SUGCT: variants seen among roughly 807,000 people sequenced by gnomAD.
The protein encoded by SUGCT is succinyl-CoA:glutarate-CoA transferase, also known as succinyl-CoA:glutarate CoA-transferase.
SUGCT carries 41 observed loss-of-function variants against 55.0 expected under a neutral mutation model. The observed-to-expected ratio is 0.74, with a 90% confidence interval of 0.58 to 0.97. The LOEUF (loss-of-function observed/expected upper bound fraction) is 0.97, where lower values mean the gene tolerates loss of function less well. SUGCT is among the 50% of genes least tolerant of loss of function. The pLI, the probability that SUGCT is intolerant of heterozygous loss-of-function variation, is 0.00. For synonymous variants in SUGCT, 187 were observed against 200.4 expected, an observed-to-expected ratio of 0.93 and a Z score of 0.56; for missense variants, 568 against 547.8, an observed-to-expected ratio of 1.04 and a Z score of -0.37.
chr7:40,226,265 C>A (rs945065432), intron 6 of SUGCT, among the ~76,000 whole-genome samples: 1 of 152,128 alleles, frequency 6.6e-6, no homozygotes, highest in African/African-American at 2.4e-5. Flanking sequence ...TGAGGTAGAA[C>A]TGTGTGAATC....
chr7:40,698,693 G>T (rs1283368937), intron 12 of SUGCT, among the ~76,000 whole-genome samples: 3 of 152,190 alleles, frequency 2.0e-5, no homozygotes, highest in African/African-American at 7.2e-5. Context: ...TATCCAGTTA[G>T]GGTTGAAGCA....
At chr7:41,038,274 A>G in the SUGCT span, among the ~76,000 whole-genome samples, 82 of 152,196 alleles carry the variant, frequency 5.4e-4, no homozygotes, top group Admixed American at 1.0e-3. Flanking sequence ...GAGGCTTCTG[A>G]CCTAGGCACT....
the SUGCT span, among the ~76,000 whole-genome samples, chr7:40,889,301 C>T: frequency 1.3e-5 from 2 of 152,112 alleles, no homozygotes; most frequent in African/African-American, 4.8e-5. Flanking sequence ...AACACATGGT[C>T]TGAAGTGTTC....
chr7:40,335,209 T>C (rs1310707053), intron 9 of SUGCT, among the ~76,000 whole-genome samples: 1 of 152,262 alleles, frequency 6.6e-6, no homozygotes, highest in Non-Finnish European at 1.5e-5. Context: ...TTTGTTCTTT[T>C]GGCTTAGGAT....
chr7:40,898,513 G>A, the SUGCT span, among the ~76,000 whole-genome samples: 1 of 138,660 alleles, frequency 7.2e-6, no homozygotes, highest in African/African-American at 2.6e-5. Flanking sequence ...CACGAGGTCA[G>A]GAGATCGAGA....
chr7:40,249,321 A>ATATATATCTATATCTATATC (rs1562612028), intron 7 of SUGCT, among the ~76,000 whole-genome samples: 1 of 109,466 alleles, frequency 9.1e-6, no homozygotes, highest in Admixed American at 9.4e-5. Context: ...AGCTATATAT[A>ATATATATCTATATCTATATC]TATATATATA....
intron 7 of SUGCT, among the ~76,000 whole-genome samples, chr7:40,272,639 T>C (rs1360727846): frequency 6.6e-6 from 1 of 150,810 alleles, no homozygotes; most frequent in East Asian, 2.0e-4. Flanking sequence ...CTGGATCATA[T>C]GGTATTATTA....
Position 40,236,442 on chromosome 7 carries a change from C to CAAAA in SUGCT, c.485-1179_485-1176dup, listed in dbSNP as rs60720770. On this transcript the variant is annotated intron_variant, in intron 6 of 13. Transcript: ENST00000335693. ...GTGTTCTGTTGATTCTTTCTGATGG[C>CAAAA]AAAAAAAAAAAAAAAAATTTGACAC... Among the ~76,000 whole-genome samples the CAAAA allele has an allele frequency of 8.3e-4, 75 of 90,020 alleles. 2 individuals are homozygous for CAAAA. The highest frequency in any genetic ancestry group is 2.3e-3 in the Admixed American group (19 of 8,266). The allele number at this position is 90,020 out of a possible 152,430, so 59.1% of individuals were successfully genotyped here.
intron 8 of SUGCT, among the ~76,000 whole-genome samples, chr7:40,293,929 A>G (rs1793952087): frequency 6.6e-6 from 1 of 152,074 alleles, no homozygotes; most frequent in South Asian, 2.1e-4. Flanking sequence ...AAAAGAACAT[A>G]CAGTGATTTA....
At chr7:40,356,586 A>G (rs1276752656) in intron 9 of SUGCT, among the ~76,000 whole-genome samples, 1 of 152,208 alleles carries the variant, frequency 6.6e-6, no homozygotes, top group East Asian at 1.9e-4. Flanking sequence ...TTGCTGGTGA[A>G]TAATACGATG....
At chr7:40,163,932 C>T (rs181045465) in intron 1 of SUGCT, among the ~76,000 whole-genome samples, 1 of 151,624 alleles carries the variant, frequency 6.6e-6, no homozygotes, top group East Asian at 2.0e-4. Context: ...AGCAATTCTT[C>T]TGCCTCAGTC....
intron 1 of SUGCT, among the ~76,000 whole-genome samples, chr7:40,166,624 C>T (rs930257485): frequency 2.0e-5 from 3 of 152,178 alleles, no homozygotes; most frequent in African/African-American, 7.2e-5. Flanking sequence ...TGGTGGCTCC[C>T]ACCTGTAATC....
At chr7:40,744,133 G>A (rs1052653513) in intron 12 of SUGCT, among the ~76,000 whole-genome samples, 12 of 150,474 alleles carry the variant, frequency 8.0e-5, no homozygotes, top group Non-Finnish European at 1.0e-4. Flanking sequence ...TCGCCATGTC[G>A]GCCAGGCTGG....
At chr7:40,383,397 T>C (rs2151286787) in intron 9 of SUGCT, among the ~76,000 whole-genome samples, 1 of 152,300 alleles carries the variant, frequency 6.6e-6, no homozygotes, top group East Asian at 1.9e-4. Flanking sequence ...CCATTTCTAT[T>C]AGGACGGGTT....
chr7:40,948,821 A>G, the SUGCT span, among the ~76,000 whole-genome samples: 2 of 152,144 alleles, frequency 1.3e-5, no homozygotes. Context: ...TCCATGGTGT[A>G]TATGTGCCAC....
intron 11 of SUGCT, among the ~76,000 whole-genome samples, chr7:40,472,745 C>T (rs1790464016): frequency 1.3e-5 from 2 of 151,990 alleles, no homozygotes; most frequent in Admixed American, 1.3e-4. Flanking sequence ...TCGTTGAGAG[C>T]CCATAATGGC....
At position 40,265,907 on chromosome 7, in the gene SUGCT, C is replaced by A. The variant is rs6963317; in HGVS notation, c.577-8606C>A. ...CGGAGGCTACAGTGAGCTGAGATCA[C>A]GCCCCTGCACTGCAGCCTGGACAAC... On this transcript the variant is annotated intron_variant, in intron 7 of 13. Transcript: ENST00000335693. Among the ~76,000 whole-genome samples the A allele has an allele frequency of 5.3e-5, 8 of 151,984 alleles. No homozygotes were observed. In the South Asian group the frequency reaches 1.7e-3, roughly 31 times the overall value.
At chr7:40,583,204 A>G (rs1408257898) in intron 12 of SUGCT, among the ~76,000 whole-genome samples, 2 of 152,212 alleles carry the variant, frequency 1.3e-5, no homozygotes, top group Non-Finnish European at 2.9e-5. Flanking sequence ...AAACTCAAGT[A>G]AAGAGCAAAG....
intron 9 of SUGCT, among the ~76,000 whole-genome samples, chr7:40,361,616 A>G (rs546882316): frequency 4.0e-4 from 61 of 152,180 alleles, no homozygotes; most frequent in African/African-American, 1.4e-3. Context: ...TCTAGGAAGA[A>G]GTGATTTAAA....
Sources: gnomAD v4.1 joint callset for allele counts (sites outside exome capture counted in the v4.1 genomes callset) on GRCh38, gnomAD v4.1.1 for gene constraint, MANE v1.5 for transcripts, NCBI Gene and HGNC (gene_info 2026-07-23, HGNC 2026-07-21) for gene names.